Variants in NLGN1 observed in about 807,000 individuals in gnomAD.
NLGN1 encodes neuroligin 1.
NLGN1 carries 12 observed loss-of-function variants against 65.5 expected under a neutral mutation model. The observed-to-expected ratio is 0.18, with a 90% CI of 0.12 to 0.30. NLGN1 has a LOEUF of 0.30. Among genes scored for constraint, NLGN1 ranks in the 10% least tolerant of loss-of-function variants. NLGN1 has a pLI of 1.00. For synonymous variants in NLGN1, 350 were observed against 359.5 expected (o/e 0.97, Z 0.30); for missense variants, 750 against 1,007.1 (o/e 0.74, Z 3.46).
At chr3:173,635,809 A>C (rs1158774538) in intron 3 of NLGN1, among the ~76,000 whole-genome samples, 1 of 152,122 alleles carries the variant, frequency 6.6e-6, no homozygotes. Context: ...ATGGGGACTT[A>C]AGTTAATTGG....
At chr3:173,942,819 T>A (rs1377764133) in intron 4 of NLGN1, among the ~76,000 whole-genome samples, 1 of 152,204 alleles carries the variant, frequency 6.6e-6, no homozygotes, top group African/African-American at 2.4e-5. Flanking sequence ...TACAGACCTG[T>A]ATGTTAATGG....
chr3:173,866,003 C>G (rs1730089250), intron 4 of NLGN1, among the ~76,000 whole-genome samples: 1 of 152,246 alleles, frequency 6.6e-6, no homozygotes, highest in East Asian at 1.9e-4. Flanking sequence ...TAACTAAACT[C>G]TACCTCGGCA....
chr3:173,720,451 T>G (rs1770647609), intron 3 of NLGN1, among the ~76,000 whole-genome samples: 1 of 152,168 alleles, frequency 6.6e-6, no homozygotes, highest in Non-Finnish European at 1.5e-5. Context: ...AATAGAACCT[T>G]ATAGAGAATT....
intron 4 of NLGN1, among the ~76,000 whole-genome samples, chr3:173,878,306 C>A (rs753828716): frequency 3.9e-5 from 6 of 152,148 alleles, no homozygotes; most frequent in African/African-American, 7.2e-5. Context: ...TCTCAGAGTG[C>A]AGGGATTACA....
At chr3:173,666,796 G>C (rs1577840500) in intron 3 of NLGN1, among the ~76,000 whole-genome samples, 1 of 152,052 alleles carries the variant, frequency 6.6e-6, no homozygotes. Context: ...GTTTTTTAAT[G>C]GCACTCAGCA....
At chr3:173,970,140 A>G (rs1057302123) in intron 4 of NLGN1, among the ~76,000 whole-genome samples, 3 of 152,280 alleles carry the variant, frequency 2.0e-5, no homozygotes, top group East Asian at 3.9e-4. Context: ...GCATTTTCCC[A>G]ATGCAAAACC....
chr3:173,856,622 A>C (rs981784726), intron 4 of NLGN1, among the ~76,000 whole-genome samples: 1 of 152,144 alleles, frequency 6.6e-6, no homozygotes, highest in Non-Finnish European at 1.5e-5. Flanking sequence ...GTGTGGCCCA[A>C]GCTGAAATTC....
intron 2 of NLGN1, among the ~76,000 whole-genome samples, chr3:173,571,736 G>A (rs755258962): frequency 2.6e-5 from 4 of 152,172 alleles, no homozygotes; most frequent in Admixed American, 6.5e-5. Flanking sequence ...AAGCTCAGGC[G>A]AAGTAGGTTT....
intron 2 of NLGN1, among the ~76,000 whole-genome samples, chr3:173,569,600 C>G (rs201331911): frequency 1.1e-5 from 1 of 91,250 alleles, no homozygotes; most frequent in South Asian, 3.4e-4. Context: ...TTTTTTTTTT[C>G]TATTTATTTG....
intron 4 of NLGN1, among the ~76,000 whole-genome samples, chr3:174,049,979 A>G (rs924495848): frequency 6.6e-6 from 1 of 152,056 alleles, no homozygotes; most frequent in East Asian, 1.9e-4. Flanking sequence ...AAATAATTTC[A>G]AGAGAAAAGG....
chr3:174,106,213 A>G (rs1459334856), intron 4 of NLGN1, among the ~76,000 whole-genome samples: 1 of 152,154 alleles, frequency 6.6e-6, no homozygotes, highest in African/African-American at 2.4e-5. Context: ...ACTCACTCTG[A>G]ACTTTTTGAG....
intron 4 of NLGN1, among the ~76,000 whole-genome samples, chr3:174,101,912 C>G (rs558461367): frequency 3.9e-5 from 6 of 152,034 alleles, no homozygotes; most frequent in Non-Finnish European, 8.8e-5. Flanking sequence ...TATTTCCAAT[C>G]GGGAGATCAG....
chr3:173,673,698 C>G (rs1031357722), intron 3 of NLGN1, among the ~76,000 whole-genome samples: 75 of 152,226 alleles, frequency 4.9e-4, no homozygotes, highest in African/African-American at 1.7e-3. Context: ...ACAATGCAAC[C>G]TCCATCTAAC....
intron 4 of NLGN1, among the ~76,000 whole-genome samples, chr3:174,088,238 G>T (rs1576804681): frequency 9.0e-6 from 1 of 111,318 alleles, no homozygotes; most frequent in South Asian, 2.5e-4. Flanking sequence ...CAAAGGTTCA[G>T]ATACTTTACG....
chr3:173,705,591 C>A (rs1021808), intron 3 of NLGN1, among the ~76,000 whole-genome samples: 72,415 of 151,948 alleles, frequency 0.48, 18,425 homozygotes, highest in African/African-American at 0.67. Context: ...ATTTGAGGGA[C>A]TATTCCTTTT....
intron 4 of NLGN1, among the ~76,000 whole-genome samples, chr3:173,970,358 G>A (rs772184258): frequency 3.3e-5 from 5 of 152,074 alleles, no homozygotes; most frequent in Admixed American, 2.6e-4. Context: ...CCTGAGTCCC[G>A]AAGGCCATTT....
At chr3:174,187,160 T>G (rs1731554941) in intron 4 of NLGN1, among the ~76,000 whole-genome samples, 1 of 152,006 alleles carries the variant, frequency 6.6e-6, no homozygotes, top group Non-Finnish European at 1.5e-5. Context: ...TTGGAAATTT[T>G]CAATCAATGA....
At chr3:174,115,090 C>T (rs984704266) in intron 4 of NLGN1, among the ~76,000 whole-genome samples, 4 of 152,078 alleles carry the variant, frequency 2.6e-5, no homozygotes, top group Middle Eastern at 3.2e-3. Flanking sequence ...GGATTGTGGA[C>T]GGTCTCTTTC....
chr3:173,888,214 T>C (rs576873566), intron 4 of NLGN1, among the ~76,000 whole-genome samples: 95 of 152,072 alleles, frequency 6.2e-4, no homozygotes, highest in Admixed American at 5.2e-4. Context: ...CACAGTGAGA[T>C]ACAGTCATCC....
Sources: gnomAD v4.1 joint callset for allele counts (sites outside exome capture counted in the v4.1 genomes callset) on GRCh38, gnomAD v4.1.1 for gene constraint, MANE v1.5 for transcripts, NCBI Gene and HGNC (gene_info 2026-07-23, HGNC 2026-07-21) for gene names.